Variants in SMARCA2 observed in about 807,000 individuals in gnomAD.
SMARCA2 encodes SWI/SNF-related matrix-associated actin-dependent regulator of chromatin subfamily A member 2.
A neutral mutation model predicts 199.8 loss-of-function variants in SMARCA2; 61 were observed. The observed-to-expected ratio is 0.31, with a 90% CI of 0.25 to 0.38. SMARCA2 has a LOEUF of 0.38. Among genes scored for constraint, SMARCA2 ranks in the 10% least tolerant of loss-of-function variants. The probability of loss-of-function intolerance (pLI) is 1.00; values close to 1 mark genes in which losing one functional copy is unlikely to be tolerated. For missense variants in SMARCA2, 1,344 were observed against 2,012.2 expected (o/e 0.67, Z 6.35); for synonymous variants, 935 against 732.0 (o/e 1.28, Z -4.48).
At chr9:2,033,195 G>C (rs1819152814) in intron 3 of SMARCA2, 114 bp downstream of exon 3, 1 of 1,201,700 alleles carries the variant, frequency 8.3e-7, no homozygotes, top group Non-Finnish European at 1.2e-6. Flanking sequence ...GTTGAACCTA[G>C]TAGGTTTCTT....
chr9:2,082,208 G>A (rs1231124767), intron 15 of SMARCA2, among the ~76,000 whole-genome samples: 2 of 151,976 alleles, frequency 1.3e-5, no homozygotes, highest in Non-Finnish European at 2.9e-5. Flanking sequence ...GGGACCGAGT[G>A]ATTTTATCGG....
intron 25 of SMARCA2, among the ~76,000 whole-genome samples, chr9:2,116,918 AT>A (rs1474785274): frequency 1.3e-5 from 2 of 152,196 alleles, no homozygotes; most frequent in Non-Finnish European, 2.9e-5. Context: ...TTCATTGCAT[AT>A]ATTAGATATA....
In SMARCA2 at chr9:2,149,161, T is replaced by C. The variant is rs531354265; in HGVS notation, c.3982-12525T>C. Among the ~76,000 whole-genome samples, 15 of 151,440 alleles carry C rather than the reference T, an allele frequency of 9.9e-5. 1 individual carries two copies. The South Asian group carries it at 3.1e-3, about 32-fold the overall frequency. ...CATGGCTGGGGAGGCCTCAGAATCA[T>C]GGCAGGAGGCAAAAGGCACTTCTTA... On this transcript the variant is annotated intron_variant, in intron 27 of 33. Transcript: ENST00000349721.
At chr9:2,152,199 T>A (rs1033714519) in intron 27 of SMARCA2, among the ~76,000 whole-genome samples, 2 of 152,192 alleles carry the variant, frequency 1.3e-5, no homozygotes, top group Non-Finnish European at 2.9e-5. Context: ...TTTATGATGA[T>A]CCTGGAATAT....
At chr9:2,148,633 T>G (rs1428627350) in intron 27 of SMARCA2, among the ~76,000 whole-genome samples, 1 of 151,362 alleles carries the variant, frequency 6.6e-6, no homozygotes, top group African/African-American at 2.4e-5. Context: ...ATGTTTTCTT[T>G]CTTTTTTCTG....
At chr9:2,144,071 G>C (rs546259328) in intron 27 of SMARCA2, among the ~76,000 whole-genome samples, 2 of 149,272 alleles carry the variant, frequency 1.3e-5, no homozygotes, top group Non-Finnish European at 1.5e-5. Context: ...GCCGGGAGAT[G>C]GGGGGGGATG....
chr9:2,036,440 A>G (rs1245508258), intron 3 of SMARCA2, among the ~76,000 whole-genome samples: 5 of 152,212 alleles, frequency 3.3e-5, no homozygotes, highest in Non-Finnish European at 7.4e-5. Flanking sequence ...AGACCAATGT[A>G]TATTCACTCT....
At chr9:2,182,088 C>A (rs1586806598) in intron 30 of SMARCA2, 53 bp from the exon 31 acceptor site, 6 of 1,149,080 alleles carry the variant, frequency 5.2e-6, no homozygotes, top group Non-Finnish European at 7.9e-6. Flanking sequence ...GTAATGATCG[C>A]TGAATTTTCC....
intron 19 of SMARCA2, among the ~76,000 whole-genome samples, chr9:2,092,008 A>G (rs898220370): frequency 6.5e-4 from 99 of 152,266 alleles, no homozygotes; most frequent in African/African-American, 2.3e-3. Flanking sequence ...CCACCCCCCA[A>G]CCACCAACAC....
At chr9:2,157,245 A>G (rs1376331572) in intron 27 of SMARCA2, among the ~76,000 whole-genome samples, 1 of 152,164 alleles carries the variant, frequency 6.6e-6, no homozygotes, top group Admixed American at 6.5e-5. Context: ...TTGGGGGATC[A>G]TTACTGTATT....
chr9:2,103,984 T>C lies in SMARCA2; in HGVS notation c.3126-19T>C. 6.2e-7 allele frequency: 1 copy of C among 1,610,242 alleles called. No individual in the cohort carries two copies. Among genetic ancestry groups the C allele is most frequent in the Non-Finnish European group, 8.5e-7 (1 of 1,177,934 alleles). On this transcript the variant is annotated intron_variant, in intron 22 of 33. Transcript: ENST00000349721. ...AGAAGTAATACTGTCTTCTTGTTTT[T>C]GCATTTTTTTGGGTTCAGGGCTGAA...
In SMARCA2 at chr9:2,056,857, C is replaced by A; in HGVS notation, c.1347+12C>A. On this transcript the variant is annotated intron_variant, in intron 7 of 33. Transcript: ENST00000349721. The surrounding 1 kb of genome is among the most constrained non-coding windows in gnomAD (Gnocchi z 4.0). ...GTCAGAAACACCAGGTTCTTAGACC[C>A]TGGGCTTTGCTCACCCTCACTTTGG... 6.2e-7 allele frequency: 1 copy of A among 1,607,232 alleles called. No individual in the cohort carries two copies. The highest frequency in any genetic ancestry group is 8.5e-7 in the Non-Finnish European group (1 of 1,176,412).
At chr9:2,059,393 T>C (rs1215952817) in intron 8 of SMARCA2, among the ~76,000 whole-genome samples, 1 of 152,188 alleles carries the variant, frequency 6.6e-6, no homozygotes, top group East Asian at 1.9e-4. Flanking sequence ...GTGCAGGTAC[T>C]ACTACATCTT....
rs146644912 is a variant in SMARCA2 at position 2,191,233 on chromosome 9, C to T, written c.4595-33C>T. ...ATACAAAGATCTCCTTGTGATTACT[C>T]ACTGGTGTCTATTTCATTTGCTTTG... On this transcript the variant is annotated intron_variant, in intron 32 of 33. Coordinates refer to ENST00000349721, the MANE Select transcript of SMARCA2 (RefSeq NM_003070.5). 2.0e-4 allele frequency: 326 copies of T among 1,607,536 alleles called. 1 individual carries two copies. In the African/African-American group the frequency reaches 3.6e-3, roughly 18 times the overall value.
chr9:2,157,722 G>C (rs1308416408), intron 27 of SMARCA2: 2 of 388,440 alleles, frequency 5.1e-6, no homozygotes, highest in Non-Finnish European at 9.1e-6. Flanking sequence ...GAGTTGGCTT[G>C]GGGCTTTTTG....
At position 2,162,050 on chromosome 9, in the gene SMARCA2, G is replaced by A. The variant is rs867292162; in HGVS notation, c.4199+147G>A. 1.1e-4 allele frequency: 66 copies of A among 574,996 alleles called. No individual in the cohort carries two copies. In the Middle Eastern group the frequency reaches 5.1e-3, roughly 44 times the overall value. 35.6% of individuals were successfully genotyped at this position (574,996 alleles called of 1,614,324 possible). A position where few individuals can be genotyped will look rare whatever the true frequency, so the allele number is the denominator to read the frequency against. ...TTTATGGCTTTCTCTCTTTGTACCT[G>A]TTTAAAATGGCCACTGTTGCTATTT... On this transcript the variant is annotated intron_variant, in intron 28 of 33. Coordinates refer to ENST00000349721, the MANE Select transcript of SMARCA2 (RefSeq NM_003070.5).
chr9:2,162,389 AATT>A (rs1825728459), intron 28 of SMARCA2, among the ~76,000 whole-genome samples: 2 of 152,188 alleles, frequency 1.3e-5, no homozygotes, highest in African/African-American at 4.8e-5. Context: ...TGAGCACTTG[AATT>A]ATCTCTTTCT....
Position 2,170,443 on chromosome 9 carries a change from T to C in SMARCA2, c.4224T>C (p.Ser1408=), listed in dbSNP as rs1335066633. The change falls in exon 29 of 34, where the codon AGT becomes AGC. Residue 1408 remains serine, a synonymous_variant. Coordinates refer to ENST00000349721, the MANE Select transcript of SMARCA2 (RefSeq NM_003070.5). This position sits in a 1 kb window ranked among gnomAD's most constrained non-coding sequence, Gnocchi z 4.7. ...GGTGTAACGTGGAGAAGGTGCCCAG[T>C]AATTCTCAGTTGGAAATAGAAGGAA... is the stretch of plus-strand genomic sequence containing the variant. ...KDRCNVEKVP[S]NSQLEIEGNS... is the part of the protein sequence containing the mutation. 6.2e-7 allele frequency: 1 copy of C among 1,614,092 alleles called. No homozygotes were observed. The highest frequency in any genetic ancestry group is 1.1e-5 in the South Asian group (1 of 91,072).
At chr9:2,159,130 A>G (rs1229642668) in intron 27 of SMARCA2, among the ~76,000 whole-genome samples, 1 of 152,246 alleles carries the variant, frequency 6.6e-6, no homozygotes. Flanking sequence ...TAGAGATTTA[A>G]AAGTCCAAAT....
Sources: allele counts gnomAD v4.1 joint callset (sites outside exome capture counted in the v4.1 genomes callset), GRCh38; gene constraint gnomAD v4.1.1; non-coding constraint Gnocchi (gnomAD v3.1); transcripts MANE v1.5; gene names NCBI Gene and HGNC (gene_info 2026-07-23, HGNC 2026-07-21).